Variants in PCDHGB3 observed in about 807,000 individuals in gnomAD.
The protein encoded by PCDHGB3 is protocadherin gamma subfamily B, 3, also known as protocadherin gamma-B3.
In PCDHGB3, 40 loss-of-function variants were observed where a neutral mutation model predicts 59.2. The ratio of observed to expected loss-of-function variants is 0.68; its 90% confidence interval spans 0.52 to 0.88. The LOEUF (loss-of-function observed/expected upper bound fraction) is 0.88. Ranked by LOEUF, PCDHGB3 falls within the 40% of genes least tolerant of loss-of-function variation. PCDHGB3 has a pLI of 0.00. For synonymous variants in PCDHGB3, 581 were observed against 503.6 expected (o/e 1.15, Z -2.06); for missense variants, 1,309 against 1,187.9 (o/e 1.10, Z -1.50).
rs2097423534 is a variant in PCDHGB3 at position 141,431,850 on chromosome 5, C to A, written c.2415+59041C>A. 6.2e-7 allele frequency: 1 copy of A among 1,614,234 alleles called. No individual in the cohort carries two copies. ...GTTCCCGAAAACTCTCCCAGAGGGA[C>A]ATTAATTGCCCTTTTAAATGTAAAT... On this transcript the variant is annotated intron_variant, in intron 1 of 3. Coordinates refer to ENST00000576222, the MANE Select transcript of PCDHGB3 (RefSeq NM_018924.5). This position sits in a 1 kb window ranked among gnomAD's most constrained non-coding sequence, Gnocchi z 4.8.
At chr5:141,409,163 G>A in intron 1 of PCDHGB3, 1 of 1,614,026 alleles carries the variant, frequency 6.2e-7, no homozygotes. Context: ...GGAAGTGGAA[G>A]CGAAGGACGG....
At position 141,388,901 on chromosome 5, in the gene PCDHGB3, T is replaced by G. The variant is rs776637275; in HGVS notation, c.2415+16092T>G. The G allele has an allele frequency of 2.5e-6, 4 of 1,613,722 alleles. No homozygotes were observed. The African/African-American group carries it at 5.3e-5, about 22-fold the overall frequency. On this transcript the variant is annotated intron_variant, in intron 1 of 3. Coordinates refer to ENST00000576222, the MANE Select transcript of PCDHGB3 (RefSeq NM_018924.5). ...TGGAGGTAGAAGTCATAGATGAAAA[T>G]GACAACGCCCCAGAAGTGATATTCC...
chr5:141,400,483 C>T (rs748464990), intron 1 of PCDHGB3: 1 of 1,614,020 alleles, frequency 6.2e-7, no homozygotes, highest in South Asian at 1.1e-5. Flanking sequence ...GGCCTTATTT[C>T]CACTTTGTAA....
At chr5:141,417,050 C>T (rs1420453271) in intron 1 of PCDHGB3, 3 of 151,552 alleles carry the variant, frequency 2.0e-5, no homozygotes, top group Non-Finnish European at 4.4e-5. Flanking sequence ...AAAAAAACTG[C>T]TCTTGACATT....
At chr5:141,460,993 A>T (rs1230217075) in intron 1 of PCDHGB3, among the ~76,000 whole-genome samples, 1 of 143,898 alleles carries the variant, frequency 6.9e-6, no homozygotes, top group South Asian at 2.2e-4. Flanking sequence ...GTATATATAT[A>T]TATGTGTATA....
At chr5:141,380,092 G>A (rs1776209529) in intron 1 of PCDHGB3, among the ~76,000 whole-genome samples, 1 of 151,708 alleles carries the variant, frequency 6.6e-6, no homozygotes, top group African/African-American at 2.4e-5. Context: ...TAGAGATGGG[G>A]TTTTACCATG....
Position 141,436,345 on chromosome 5 carries a change from G to A in PCDHGB3, c.2416-58462G>A, listed in dbSNP as rs930858667. 5.9e-4 allele frequency among the ~76,000 whole-genome samples: 90 copies of A among 152,212 alleles called. 1 individual carries two copies. Among genetic ancestry groups the A allele is most frequent in the African/African-American group, 1.7e-3 (69 of 41,540 alleles). ...GTTAGACCATATCTCAAATATCAGT[G>A]ACTTCAATCAACTATGTTTCCAGTT... On this transcript the variant is annotated intron_variant, in intron 1 of 3. Coordinates refer to ENST00000576222, the MANE Select transcript of PCDHGB3 (RefSeq NM_018924.5).
In PCDHGB3 at chr5:141,505,438, T is replaced by C. The variant is rs149352680; in HGVS notation, c.2520T>C (p.Phe840=). The C allele has an allele frequency of 6.8e-6, 11 of 1,614,046 alleles. No homozygotes were observed. The African/African-American group carries it at 1.5e-4, about 22-fold the overall frequency. The stretch of plus-strand genomic sequence containing the variant: ...CCGGCACCTGGCCCAACAACCAGTT[T>C]GACACAGAGATGCTGCAAGCCATGA... ...DDTGTWPNNQ[F]DTEMLQAMIL... Residue 840 remains phenylalanine, a synonymous_variant, in exon 3 of 4, where the codon TTT becomes TTC. Transcript: ENST00000576222.
chr5:141,425,015 A>G (rs1285592254), intron 1 of PCDHGB3, among the ~76,000 whole-genome samples: 2 of 152,190 alleles, frequency 1.3e-5, no homozygotes, highest in East Asian at 3.8e-4. Context: ...TCATTTAGGA[A>G]TTTACCTTAT....
intron 1 of PCDHGB3, among the ~76,000 whole-genome samples, chr5:141,463,088 C>T (rs768488458): frequency 6.6e-6 from 1 of 152,108 alleles, no homozygotes; most frequent in Non-Finnish European, 1.5e-5. Flanking sequence ...ATTTTCCAGC[C>T]CTATGTGACC....
At chr5:141,458,172 T>A (rs1023447659) in intron 1 of PCDHGB3, among the ~76,000 whole-genome samples, 2 of 152,216 alleles carry the variant, frequency 1.3e-5, no homozygotes, top group African/African-American at 4.8e-5. Flanking sequence ...CACAGTAGTA[T>A]ACCTTACTTG....
chr5:141,456,872 A>C (rs1003618586), intron 1 of PCDHGB3, among the ~76,000 whole-genome samples: 2 of 152,152 alleles, frequency 1.3e-5, no homozygotes, highest in African/African-American at 4.8e-5. Context: ...CTGAGGCAGG[A>C]GAATCGCTTG....
chr5:141,413,386 G>A (rs757396075), intron 1 of PCDHGB3: 6 of 1,613,884 alleles, frequency 3.7e-6, no homozygotes, highest in African/African-American at 1.3e-5. Context: ...AGTCCGCATA[G>A]TCTCCAGAGG....
intron 3 of PCDHGB3, among the ~76,000 whole-genome samples, chr5:141,506,349 T>A (rs894933059): frequency 8.0e-5 from 12 of 150,304 alleles, no homozygotes; most frequent in Admixed American, 2.7e-4. Context: ...CTTGGGAGGC[T>A]GAGGCAGGAG....
intron 1 of PCDHGB3, chr5:141,410,724 C>G: frequency 7.2e-7 from 1 of 1,385,884 alleles, no homozygotes; most frequent in Non-Finnish European, 9.6e-7. Flanking sequence ...TGTTTAAAAT[C>G]CATAGCTTTT....
chr5:141,472,994 AAAAG>A (rs1425445230), intron 1 of PCDHGB3, among the ~76,000 whole-genome samples: 7 of 151,692 alleles, frequency 4.6e-5, no homozygotes, highest in African/African-American at 1.7e-4. Context: ...AAAAAAAAAA[AAAAG>A]AAAGAAAAAG....
At chr5:141,382,873 C>G (rs1338163064) in intron 1 of PCDHGB3, 4 of 1,522,326 alleles carry the variant, frequency 2.6e-6, no homozygotes, top group Non-Finnish European at 3.5e-6. Context: ...CCGAGATCGG[C>G]GCCTAAGCAA....
rs925541311 is a variant in PCDHGB3 at position 141,431,452 on chromosome 5, G to C, written c.2415+58643G>C. 11 of 1,613,630 alleles carry C rather than the reference G, an allele frequency of 6.8e-6. No individual in the cohort carries two copies. The highest frequency in any genetic ancestry group is 9.3e-6 in the Non-Finnish European group (11 of 1,179,982). On this transcript the variant is annotated intron_variant, in intron 1 of 3. Transcript: ENST00000576222. The surrounding 1 kb of genome is among the most constrained non-coding windows in gnomAD (Gnocchi z 4.8). ...CAGGCACCGCGCGCATCCGCGTGAT[G>C]GTTCTGGATGCGAACGACAACGCAC...
chr5:141,379,975 C>T (rs2150153765), intron 1 of PCDHGB3, among the ~76,000 whole-genome samples: 1 of 132,632 alleles, frequency 7.5e-6, no homozygotes, highest in South Asian at 2.6e-4. Flanking sequence ...TCTCTGCTCA[C>T]TGCAACTTCC....
Sources: allele counts gnomAD v4.1 joint callset (sites outside exome capture counted in the v4.1 genomes callset), GRCh38; gene constraint gnomAD v4.1.1; non-coding constraint Gnocchi (gnomAD v3.1); transcripts MANE v1.5; gene names NCBI Gene and HGNC (gene_info 2026-07-23, HGNC 2026-07-21).